The following FKTN variants were observed in gnomAD, a reference collection of about 807,000 sequenced individuals.
The protein encoded by FKTN is ribitol-5-phosphate transferase FKTN.
Under a neutral mutation model 58.6 loss-of-function variants are expected in FKTN, and 47 were observed. That is an observed-to-expected ratio of 0.80 (90% confidence interval 0.63 to 1.02). The LOEUF (loss-of-function observed/expected upper bound fraction) is 1.02, where lower values mean the gene tolerates loss of function less well. FKTN is among the 50% of genes least tolerant of loss of function. The probability of loss-of-function intolerance (pLI) is 0.00; values close to 1 mark genes in which losing one functional copy is unlikely to be tolerated. For missense variants in FKTN, 516 were observed against 537.3 expected (o/e 0.96, Z 0.39); for synonymous variants, 178 against 191.9 (o/e 0.93, Z 0.60).
intron 3 of FKTN, among the ~76,000 whole-genome samples, chr9:105,582,763 A>T (rs1241173377): frequency 1.3e-5 from 2 of 152,228 alleles, no homozygotes; most frequent in Non-Finnish European, 2.9e-5. Context: ...TGCACATTTT[A>T]GATTTTTGTT....
At chr9:105,609,493 A>G (rs933245787) in intron 7 of FKTN, among the ~76,000 whole-genome samples, 3 of 152,258 alleles carry the variant, frequency 2.0e-5, no homozygotes, top group Admixed American at 1.3e-4. Flanking sequence ...TCCCTATTCA[A>G]TTTTTGTCAG....
chr9:105,626,326 C>T (rs1397668811), intron 10 of FKTN, among the ~76,000 whole-genome samples: 2 of 152,122 alleles, frequency 1.3e-5, no homozygotes, highest in Admixed American at 1.3e-4. Flanking sequence ...GATGGGAAGT[C>T]CAAGATAAAG....
At chr9:105,566,912 C>T (rs1357369943) in intron 1 of FKTN, among the ~76,000 whole-genome samples, 1 of 152,128 alleles carries the variant, frequency 6.6e-6, no homozygotes, top group Non-Finnish European at 1.5e-5. Flanking sequence ...TACTGGCAAA[C>T]CGAGTCCAGA....
chr9:105,612,171 A>G (rs1830041701), intron 7 of FKTN, among the ~76,000 whole-genome samples: 1 of 151,852 alleles, frequency 6.6e-6, no homozygotes, highest in Non-Finnish European at 1.5e-5. Flanking sequence ...GGCCACATGT[A>G]TGTCTTTTGA....
At chr9:105,573,394 C>T (rs904947371) in intron 1 of FKTN, among the ~76,000 whole-genome samples, 2 of 152,142 alleles carry the variant, frequency 1.3e-5, no homozygotes, top group African/African-American at 2.4e-5. Flanking sequence ...GAGGCTAAGG[C>T]AGGAGGTTCT....
At chr9:105,569,133 C>T (rs1490510658) in intron 1 of FKTN, among the ~76,000 whole-genome samples, 1 of 152,016 alleles carries the variant, frequency 6.6e-6, no homozygotes. Flanking sequence ...ACACCGGGGC[C>T]TGTTGTGGGA....
chr9:105,628,493 A>G (rs1158158482), intron 10 of FKTN, among the ~76,000 whole-genome samples: 2 of 152,190 alleles, frequency 1.3e-5, no homozygotes, highest in East Asian at 3.9e-4. Flanking sequence ...ATTTATGTGA[A>G]GTAAGTTATG....
At chr9:105,562,139 G>A (rs1025769034) in intron 1 of FKTN, among the ~76,000 whole-genome samples, 13 of 152,328 alleles carry the variant, frequency 8.5e-5, no homozygotes, top group East Asian at 1.9e-4. Flanking sequence ...CTTCCTGTGC[G>A]CTGCACAAAC....
chr9:105,569,889 A>G (rs1202059028), intron 1 of FKTN, among the ~76,000 whole-genome samples: 2 of 152,014 alleles, frequency 1.3e-5, no homozygotes, highest in Non-Finnish European at 2.9e-5. Flanking sequence ...CTTTTCCATT[A>G]GAGATGATAT....
At position 105,604,312 on chromosome 9, in the gene FKTN, C is replaced by T; in HGVS notation, c.467C>T (p.Thr156Ile). 1 of 1,614,030 alleles carries T rather than the reference C, an allele frequency of 6.2e-7. No homozygotes were observed. The highest frequency in any genetic ancestry group is 8.5e-7 in the Non-Finnish European group (1 of 1,179,992). ...GACGGGATAGACTCACTCTCTGGAA[C>T]TGAAATCCCCCTGCACTATATCTGC... ...RLDGIDSLSGTEIPLHYICKL... is the reference protein window; with the variant it reads ...RLDGIDSLSGIEIPLHYICKL... The change falls in exon 6 of 11, where the codon ACT becomes ATT. Residue 156 changes from threonine to isoleucine, a missense_variant. Transcript: ENST00000357998.
intron 1 of FKTN, among the ~76,000 whole-genome samples, chr9:105,569,660 A>T (rs1840387666): frequency 1.3e-5 from 2 of 152,186 alleles, no homozygotes; most frequent in East Asian, 1.9e-4. Flanking sequence ...TGCACTAGTT[A>T]TGCCCTGCTT....
intron 10 of FKTN, among the ~76,000 whole-genome samples, chr9:105,633,019 C>G (rs1833678655): frequency 6.6e-6 from 1 of 152,198 alleles, no homozygotes; most frequent in Admixed American, 6.5e-5. Flanking sequence ...CACTCTCCTT[C>G]ACTTCCTCCC....
At chr9:105,568,912 G>A (rs945316195) in intron 1 of FKTN, among the ~76,000 whole-genome samples, 2 of 152,144 alleles carry the variant, frequency 1.3e-5, no homozygotes, top group Admixed American at 6.5e-5. Context: ...GTGATAGACC[G>A]GATTAAGAAA....
chr9:105,635,649 A>C lies in FKTN; in HGVS notation c.*385A>C. The C allele has an allele frequency of 8.8e-7, 1 of 1,138,180 alleles. No individual in the cohort carries two copies. Among genetic ancestry groups the C allele is most frequent in the African/African-American group, 1.6e-5 (1 of 61,936 alleles). The allele number at this position is 1,138,180 out of a possible 1,614,324, so 70.5% of individuals were successfully genotyped here. On this transcript the variant is annotated 3_prime_UTR_variant, in exon 11 of 11. Coordinates refer to ENST00000357998, the MANE Select transcript of FKTN (RefSeq NM_001079802.2). ...ATGAGCTCACCAGGCAAAGCTAAGG[A>C]AGGATATACTAGTTGAAAAGAATAA...
chr9:105,601,120 C>A, intron 4 of FKTN, 25 bp from the exon 5 acceptor site: 1 of 1,341,724 alleles, frequency 7.5e-7, no homozygotes, highest in Non-Finnish European at 1.1e-6. Context: ...ACTGGAATTA[C>A]GAGAATTCTT....
At chr9:105,575,418 CAAT>C (rs1433340928) in intron 3 of FKTN, among the ~76,000 whole-genome samples, 1 of 152,058 alleles carries the variant, frequency 6.6e-6, no homozygotes, top group Non-Finnish European at 1.5e-5. Context: ...TAAATGAACT[CAAT>C]GATAAATAAT....
intron 1 of FKTN, among the ~76,000 whole-genome samples, chr9:105,558,438 A>T (rs1412560357): frequency 6.6e-6 from 1 of 152,064 alleles, no homozygotes; most frequent in African/African-American, 2.4e-5. Context: ...GGGACAGATG[A>T]AAGGTTGGAG....
intron 7 of FKTN, among the ~76,000 whole-genome samples, chr9:105,611,911 T>C (rs546506740): frequency 6.6e-6 from 1 of 152,308 alleles, no homozygotes; most frequent in African/African-American, 2.4e-5. Context: ...CTTTAGGTCA[T>C]TGAGGAATCA....
At chr9:105,568,952 T>C (rs1401847923) in intron 1 of FKTN, among the ~76,000 whole-genome samples, 1 of 152,186 alleles carries the variant, frequency 6.6e-6, no homozygotes, top group African/African-American at 2.4e-5. Context: ...TGAAATATTA[T>C]GCAGCCATAA....
Sources: gnomAD v4.1 joint callset for allele counts (sites outside exome capture counted in the v4.1 genomes callset) on GRCh38, gnomAD v4.1.1 for gene constraint, MANE v1.5 for transcripts, NCBI Gene and HGNC (gene_info 2026-07-23, HGNC 2026-07-21) for gene names.